The following VEGFC variants were observed in gnomAD, a reference collection of about 807,000 sequenced individuals.
VEGFC encodes FLT4 ligand DHM.
Under a neutral mutation model 46.1 loss-of-function variants are expected in VEGFC, and 12 were observed. The ratio of observed to expected loss-of-function variants is 0.26; its 90% confidence interval spans 0.17 to 0.42. The LOEUF (loss-of-function observed/expected upper bound fraction) is 0.42, where lower values mean the gene tolerates loss of function less well. Ranked by LOEUF, VEGFC falls within the 10% of genes least tolerant of loss-of-function variation. VEGFC has a pLI of 1.00. For missense variants in VEGFC, 488 were observed against 529.4 expected, an observed-to-expected ratio of 0.92 and a Z score of 0.77; for synonymous variants, 232 against 195.5, an observed-to-expected ratio of 1.19 and a Z score of -1.56.
chr4:176,756,644 T>A (rs1579125519), intron 1 of VEGFC, among the ~76,000 whole-genome samples: 1 of 152,046 alleles, frequency 6.6e-6, no homozygotes, highest in East Asian at 1.9e-4. Context: ...GGTCTTATCA[T>A]CCATACAGAG....
chr4:176,722,771 AT>A (rs1487527837), intron 3 of VEGFC, among the ~76,000 whole-genome samples: 11 of 152,056 alleles, frequency 7.2e-5, no homozygotes, highest in Non-Finnish European at 7.4e-5. Context: ...AAGTGCTGGG[AT>A]TACAGGTGTA....
chr4:176,752,065 A>G (rs1735351440), intron 1 of VEGFC, among the ~76,000 whole-genome samples: 1 of 152,076 alleles, frequency 6.6e-6, no homozygotes, highest in Non-Finnish European at 1.5e-5. Flanking sequence ...AATTCAGTAT[A>G]CAAGTCTTAC....
chr4:176,775,801 C>A (rs1735805164), intron 1 of VEGFC, among the ~76,000 whole-genome samples: 1 of 152,116 alleles, frequency 6.6e-6, no homozygotes, highest in Admixed American at 6.5e-5. Context: ...GACTTCTCAT[C>A]CAAGTTTGTC....
chr4:176,754,091 T>A (rs1186600105), intron 1 of VEGFC, among the ~76,000 whole-genome samples: 2 of 151,968 alleles, frequency 1.3e-5, no homozygotes, highest in Non-Finnish European at 2.9e-5. Flanking sequence ...AAATAGAGAG[T>A]AATTAGGCAG....
At chr4:176,719,669 C>T (rs1734750667) in intron 3 of VEGFC, among the ~76,000 whole-genome samples, 2 of 152,168 alleles carry the variant, frequency 1.3e-5, no homozygotes, top group Admixed American at 1.3e-4. Flanking sequence ...ATCTATCCAT[C>T]ACTGTACACC....
At position 176,691,145 on chromosome 4, in the gene VEGFC, C is replaced by T. The variant is rs558256195; in HGVS notation, c.705-3218G>A. Among the ~76,000 whole-genome samples, 245 of 152,166 alleles carry T rather than the reference C, an allele frequency of 1.6e-3. 1 individual carries two copies. The highest frequency in any genetic ancestry group is 4.8e-3 in the South Asian group (23 of 4,818). ...AATGGTGGGCAGGGGGTCAACATTTCCAAAATATTTTTATTTTAGAATGAA... is the reference window on the plus strand; with the variant it reads ...AATGGTGGGCAGGGGGTCAACATTTTCAAAATATTTTTATTTTAGAATGAA... On this transcript the variant is annotated intron_variant, in intron 4 of 6. Coordinates refer to ENST00000618562, the MANE Select transcript of VEGFC (RefSeq NM_005429.5).
At chr4:176,750,002 C>A in intron 1 of VEGFC, among the ~76,000 whole-genome samples, 1 of 151,208 alleles carries the variant, frequency 6.6e-6, no homozygotes. Flanking sequence ...TGCCAAAATG[C>A]AGTATTAAAA....
At chr4:176,758,696 G>GCAA (rs1735476613) in intron 1 of VEGFC, among the ~76,000 whole-genome samples, 11 of 152,060 alleles carry the variant, frequency 7.2e-5, no homozygotes, top group Non-Finnish European at 1.5e-5. Context: ...ACTTTAGTTT[G>GCAA]TGTCCTGTAT....
chr4:176,708,509 A>G (rs539187349), intron 4 of VEGFC, among the ~76,000 whole-genome samples: 7 of 152,116 alleles, frequency 4.6e-5, no homozygotes, highest in African/African-American at 7.2e-5. Context: ...TAGGGAAAAA[A>G]TGTTTATAAA....
At chr4:176,727,715 C>A (rs1309763307) in intron 3 of VEGFC, 63 bp downstream of exon 3, 2 of 1,505,230 alleles carry the variant, frequency 1.3e-6, no homozygotes, top group African/African-American at 1.4e-5. Flanking sequence ...AACACATCAT[C>A]CCCAAAGTTA....
At chr4:176,743,439 T>A (rs987659703) in intron 1 of VEGFC, among the ~76,000 whole-genome samples, 1 of 151,952 alleles carries the variant, frequency 6.6e-6, no homozygotes, top group East Asian at 1.9e-4. Flanking sequence ...AAAACTCTTG[T>A]CATGACAACT....
intron 1 of VEGFC, among the ~76,000 whole-genome samples, chr4:176,780,628 C>A (rs1321774817): frequency 6.6e-6 from 1 of 152,064 alleles, no homozygotes; most frequent in East Asian, 1.9e-4. Flanking sequence ...CAACACATTG[C>A]AGATATTTAA....
intron 1 of VEGFC, among the ~76,000 whole-genome samples, chr4:176,764,603 A>G (rs2333514): frequency 0.71 from 107,273 of 152,078 alleles, 43,733 homozygotes; most frequent in East Asian, 0.93. Flanking sequence ...AAAAAATCTC[A>G]TAAATTCATA....
intron 1 of VEGFC, among the ~76,000 whole-genome samples, chr4:176,789,241 C>T (rs1736050758): frequency 6.6e-6 from 1 of 152,206 alleles, no homozygotes. Context: ...AAATCTAAAT[C>T]CACTACCCTC....
At position 176,694,450 on chromosome 4, in the gene VEGFC, C is replaced by T. The variant is rs1187962691; in HGVS notation, c.705-6523G>A. Among the ~76,000 whole-genome samples the T allele has an allele frequency of 2.0e-5, 3 of 151,894 alleles. No homozygotes were observed. The East Asian group carries it at 5.8e-4, about 29-fold the overall frequency. ...GCTAACTATCCTAAATATATATGCA[C>T]CCAATACAGGAGCACCAAGATTCAT... On this transcript the variant is annotated intron_variant, in intron 4 of 6. Coordinates refer to ENST00000618562, the MANE Select transcript of VEGFC (RefSeq NM_005429.5).
chr4:176,745,531 G>C (rs1735246314), intron 1 of VEGFC, among the ~76,000 whole-genome samples: 1 of 151,996 alleles, frequency 6.6e-6, no homozygotes, highest in African/African-American at 2.4e-5. Context: ...CAACTAATGG[G>C]GCACACATCC....
chr4:176,691,738 C>T (rs6849065), intron 4 of VEGFC, among the ~76,000 whole-genome samples: 35,219 of 152,170 alleles, frequency 0.23, 6,715 homozygotes, highest in African/African-American at 0.53. Flanking sequence ...ATTCCAAATA[C>T]GTTCTGTTAC....
intron 1 of VEGFC, among the ~76,000 whole-genome samples, chr4:176,755,857 A>G (rs1735424243): frequency 6.6e-6 from 1 of 152,052 alleles, no homozygotes; most frequent in South Asian, 2.1e-4. Context: ...TGAATAATGT[A>G]TCAGGTTAAG....
intron 4 of VEGFC, among the ~76,000 whole-genome samples, chr4:176,692,190 C>G (rs1436400385): frequency 1.3e-5 from 2 of 150,358 alleles, no homozygotes; most frequent in Non-Finnish European, 3.0e-5. Flanking sequence ...GTCAGGAGAT[C>G]GAGACCATCC....
Sources: gnomAD v4.1 joint callset for allele counts (sites outside exome capture counted in the v4.1 genomes callset) on GRCh38, gnomAD v4.1.1 for gene constraint, MANE v1.5 for transcripts, NCBI Gene and HGNC (gene_info 2026-07-23, HGNC 2026-07-21) for gene names.